Variants in PRKACB observed in about 807,000 individuals in gnomAD.
The protein encoded by PRKACB is protein kinase cAMP-activated catalytic subunit beta, also known as cAMP-dependent protein kinase catalytic subunit beta.
Under a neutral mutation model 51.4 loss-of-function variants are expected in PRKACB, and 16 were observed. The ratio of observed to expected loss-of-function variants is 0.31; its 90% confidence interval spans 0.21 to 0.47. The LOEUF (loss-of-function observed/expected upper bound fraction) is 0.47. PRKACB is among the 20% of genes least tolerant of loss of function. The probability of loss-of-function intolerance (pLI) is 1.00; values close to 1 mark genes in which losing one functional copy is unlikely to be tolerated. For missense variants in PRKACB, 309 were observed against 464.5 expected (o/e 0.67, Z 3.08); for synonymous variants, 147 against 154.4 (o/e 0.95, Z 0.35).
chr1:84,100,628 C>T (rs1037054589), intron 1 of PRKACB, among the ~76,000 whole-genome samples: 1 of 152,098 alleles, frequency 6.6e-6, no homozygotes, highest in Non-Finnish European at 1.5e-5. Flanking sequence ...TACCATTTCC[C>T]TAACACAGTG....
At chr1:84,219,500 C>T (rs925531909) in intron 9 of PRKACB, among the ~76,000 whole-genome samples, 2 of 151,942 alleles carry the variant, frequency 1.3e-5, no homozygotes, top group African/African-American at 2.4e-5. Flanking sequence ...CGTGAGCCAC[C>T]ATGCCCCACC....
intron 1 of PRKACB, among the ~76,000 whole-genome samples, chr1:84,147,874 A>G (rs549479824): frequency 1.3e-5 from 2 of 152,148 alleles, no homozygotes; most frequent in Non-Finnish European, 2.9e-5. Flanking sequence ...AAAGTTTTCT[A>G]TTAGACATCC....
intron 7 of PRKACB, among the ~76,000 whole-genome samples, chr1:84,199,529 C>T (rs1290751048): frequency 6.6e-6 from 1 of 152,182 alleles, no homozygotes; most frequent in Non-Finnish European, 1.5e-5. Context: ...ATATGTACCA[C>T]ATTTTCTTTG....
intron 1 of PRKACB, among the ~76,000 whole-genome samples, chr1:84,137,481 G>A (rs1458155614): frequency 2.6e-5 from 4 of 152,136 alleles, no homozygotes; most frequent in Non-Finnish European, 5.9e-5. Context: ...ACAGCACAAA[G>A]AACAAGTCTT....
intron 1 of PRKACB, among the ~76,000 whole-genome samples, chr1:84,097,012 A>G (rs1359386459): frequency 1.3e-5 from 2 of 152,008 alleles, no homozygotes; most frequent in Non-Finnish European, 1.5e-5. Flanking sequence ...ACTGTTTTAT[A>G]TCTGGGATTT....
In PRKACB at chr1:84,157,739, G is replaced by A. The variant is rs562386131; in HGVS notation, c.187+13191G>A. 3.5e-4 allele frequency among the ~76,000 whole-genome samples: 53 copies of A among 152,070 alleles called. 1 individual carries two copies. The highest frequency in any genetic ancestry group is 2.2e-3 in the Admixed American group (33 of 15,262). On this transcript the variant is annotated intron_variant, in intron 1 of 9. Coordinates refer to ENST00000370685, the MANE Select transcript of PRKACB (RefSeq NM_182948.4). The stretch of plus-strand genomic sequence containing the variant: ...ATAGAATATATTAATAATTGGTTCC[G>A]ATTTATTGTTGAATTATACTATGTT...
At chr1:84,157,978 A>C (rs1655712993) in intron 1 of PRKACB, among the ~76,000 whole-genome samples, 1 of 152,156 alleles carries the variant, frequency 6.6e-6, no homozygotes, top group Non-Finnish European at 1.5e-5. Flanking sequence ...TTGTTTCCCA[A>C]AGTGGTGGTA....
chr1:84,154,559 C>T (rs946874372), intron 1 of PRKACB, among the ~76,000 whole-genome samples: 1 of 152,076 alleles, frequency 6.6e-6, no homozygotes, highest in Non-Finnish European at 1.5e-5. Flanking sequence ...CTTCCAAGCT[C>T]ATTTACCAGG....
At chr1:84,131,704 T>C (rs1171745259) in intron 1 of PRKACB, among the ~76,000 whole-genome samples, 1 of 152,128 alleles carries the variant, frequency 6.6e-6, no homozygotes, top group African/African-American at 2.4e-5. Context: ...ATGGCCGAGA[T>C]CTGCTTACTT....
At chr1:84,119,236 A>G (rs148439196) in intron 1 of PRKACB, among the ~76,000 whole-genome samples, 1,693 of 152,264 alleles carry the variant, frequency 0.011, 40 homozygotes, top group African/African-American at 0.039. Flanking sequence ...CATGCTTGTC[A>G]TCAGAAATAC....
intron 1 of PRKACB, among the ~76,000 whole-genome samples, chr1:84,124,974 C>G (rs1301842140): frequency 6.6e-6 from 1 of 152,180 alleles, no homozygotes; most frequent in Non-Finnish European, 1.5e-5. Flanking sequence ...ATCCCACTTT[C>G]CTCATCCCCA....
chr1:84,128,049 C>T (rs1651800073), intron 1 of PRKACB, among the ~76,000 whole-genome samples: 1 of 140,750 alleles, frequency 7.1e-6, no homozygotes, highest in African/African-American at 2.7e-5. Flanking sequence ...ACTCTTGTCA[C>T]CCAGGCTGGA....
chr1:84,142,195 C>A (rs76390479), upstream of PRKACB, among the ~76,000 whole-genome samples: 5,271 of 152,118 alleles, frequency 0.035, 122 homozygotes, highest in Middle Eastern at 0.082. Flanking sequence ...AAGTAACTCA[C>A]AATTTAGGGT....
At chr1:84,204,917 TTATGAA>T in intron 8 of PRKACB, 1 of 971,906 alleles carries the variant, frequency 1.0e-6, no homozygotes, top group Non-Finnish European at 1.2e-6. Flanking sequence ...ATTCAGCTGT[TTATGAA>T]TATATATTCA....
chr1:84,148,466 ACTC>A (rs34222595), intron 1 of PRKACB, among the ~76,000 whole-genome samples: 30,693 of 151,664 alleles, frequency 0.2, 3,263 homozygotes, highest in South Asian at 0.28. Flanking sequence ...TTGATTTTGA[ACTC>A]CTTGAAGGCA....
chr1:84,221,931 C>A (rs142426036), intron 9 of PRKACB, among the ~76,000 whole-genome samples: 2 of 152,206 alleles, frequency 1.3e-5, no homozygotes, highest in African/African-American at 4.8e-5. Context: ...GTGTAAATGT[C>A]TCCTAGGTAC....
intron 9 of PRKACB, among the ~76,000 whole-genome samples, chr1:84,230,530 C>T (rs2101690609): frequency 6.6e-6 from 1 of 152,246 alleles, no homozygotes; most frequent in African/African-American, 2.4e-5. Flanking sequence ...GGCAGTATGG[C>T]CATTTTCATG....
chr1:84,183,924 A>G (rs1160714750), intron 3 of PRKACB, 113 bp from the exon 4 acceptor site: 1 of 1,138,322 alleles, frequency 8.8e-7, no homozygotes, highest in East Asian at 3.0e-5. Context: ...TCCTTATCCA[A>G]TTCTAACAAT....
rs185221726 is a variant in PRKACB, at chr1:84,098,811, G to A, written c.46+20440G>A. Among the ~76,000 whole-genome samples the A allele has an allele frequency of 3.5e-4, 53 of 152,120 alleles. 1 individual carries two copies. In the East Asian group the frequency reaches 9.7e-3, roughly 28 times the overall value. ...TAGACAAAACGAGAGAGAGGCAAGT[G>A]GCTGAAAATGTATGCTGGAAGTGAT... On this transcript the variant is annotated intron_variant, in intron 1 of 8. Transcript: ENST00000370688.
Sources: gnomAD v4.1 joint callset for allele counts (sites outside exome capture counted in the v4.1 genomes callset) on GRCh38, gnomAD v4.1.1 for gene constraint, MANE v1.5 for transcripts, NCBI Gene and HGNC (gene_info 2026-07-23, HGNC 2026-07-21) for gene names.